Variants in PSTPIP2 observed in about 807,000 individuals in gnomAD.
The protein encoded by PSTPIP2 is proline-serine-threonine phosphatase-interacting protein 2.
A neutral mutation model predicts 63.3 loss-of-function variants in PSTPIP2; 33 were observed. The ratio of observed to expected loss-of-function variants is 0.52; its 90% CI spans 0.40 to 0.70. PSTPIP2 has a LOEUF of 0.70. Ranked by LOEUF, PSTPIP2 falls within the 30% of genes least tolerant of loss-of-function variation. PSTPIP2 has a pLI of 0.00. For synonymous variants in PSTPIP2, 125 were observed against 132.7 expected (o/e 0.94, Z 0.40); for missense variants, 312 against 400.7 (o/e 0.78, Z 1.89).
chr18:46,004,046 G>A (rs1568213126), intron 6 of PSTPIP2, among the ~76,000 whole-genome samples: 1 of 152,008 alleles, frequency 6.6e-6, no homozygotes, highest in Non-Finnish European at 1.5e-5. Flanking sequence ...GATTACAGGT[G>A]TGAGCCACTA....
At chr18:46,005,143 A>G (rs2051711233) in intron 6 of PSTPIP2, among the ~76,000 whole-genome samples, 1 of 152,162 alleles carries the variant, frequency 6.6e-6, no homozygotes, top group South Asian at 2.1e-4. Context: ...CTCACTTATA[A>G]GTGGGAGCTA....
Position 46,006,458 on chromosome 18 carries a change from G to A in PSTPIP2, c.355-927C>T, listed in dbSNP as rs111478434. Among the ~76,000 whole-genome samples the A allele has an allele frequency of 2.3e-3, 321 of 139,944 alleles. 3 individuals are homozygous for A. The highest frequency in any genetic ancestry group is 0.015 in the Middle Eastern group (4 of 272). The allele number at this position is 139,944 out of a possible 152,430, so 91.8% of individuals were successfully genotyped here. A position where few individuals can be genotyped will look rare whatever the true frequency, so the allele number is the denominator to read the frequency against. Reference sequence around the variant, plus strand: ...GCAATCTCAGCTCACTGCAACCTCCGCCTTCTGGTTTCAAGCGAGTCTCCT... The same window carrying A: ...GCAATCTCAGCTCACTGCAACCTCCACCTTCTGGTTTCAAGCGAGTCTCCT... On this transcript the variant is annotated intron_variant, in intron 5 of 14. Transcript: ENST00000409746.
chr18:46,021,933 A>C (rs1486164416), intron 3 of PSTPIP2, among the ~76,000 whole-genome samples: 1 of 151,538 alleles, frequency 6.6e-6, no homozygotes, highest in African/African-American at 2.4e-5. Flanking sequence ...AGAACCAAGT[A>C]TTCTTGGAGA....
intron 5 of PSTPIP2, 83 bp downstream of exon 5, chr18:46,011,098 G>A: frequency 2.6e-6 from 3 of 1,142,832 alleles, no homozygotes; most frequent in Admixed American, 3.5e-5. Context: ...GGTGGGAGCT[G>A]AGCTGAGGAG....
At chr18:46,054,477 C>T (rs1423469768) in intron 1 of PSTPIP2, among the ~76,000 whole-genome samples, 1 of 152,120 alleles carries the variant, frequency 6.6e-6, no homozygotes, top group East Asian at 1.9e-4. Flanking sequence ...CAAAGAGCTA[C>T]ACCTAATATA....
Position 45,988,338 on chromosome 18 carries a change from G to A in PSTPIP2, c.*8+364C>T, listed in dbSNP as rs184347746. Among the ~76,000 whole-genome samples the A allele has an allele frequency of 1.6e-4, 24 of 150,608 alleles. No individual in the cohort carries two copies. The East Asian group carries it at 4.8e-3, about 30-fold the overall frequency. On this transcript the variant is annotated intron_variant, in intron 14 of 14. Coordinates refer to ENST00000409746, the MANE Select transcript of PSTPIP2 (RefSeq NM_024430.4). ...TAATCCTAGATACTCAAGAGGCTGAGGTGGGAAGATCACTTGAACCCAGGA... is the reference window on the plus strand; with the variant it reads ...TAATCCTAGATACTCAAGAGGCTGAAGTGGGAAGATCACTTGAACCCAGGA...
At chr18:46,038,903 G>A (rs951720746) in intron 2 of PSTPIP2, among the ~76,000 whole-genome samples, 7 of 152,164 alleles carry the variant, frequency 4.6e-5, no homozygotes, top group African/African-American at 9.7e-5. Flanking sequence ...TTGGGAGGCC[G>A]AGGCAGGCAG....
At chr18:45,989,059 A>G (rs1014852784) in intron 13 of PSTPIP2, among the ~76,000 whole-genome samples, 1 of 152,236 alleles carries the variant, frequency 6.6e-6, no homozygotes, top group Non-Finnish European at 1.5e-5. Context: ...TGGTAATTCT[A>G]AAACAACAAG....
At chr18:46,042,135 C>A (rs558597652) in intron 1 of PSTPIP2, among the ~76,000 whole-genome samples, 2 of 152,256 alleles carry the variant, frequency 1.3e-5, no homozygotes, top group South Asian at 2.1e-4. Context: ...AAAACTTTTA[C>A]AAGTTACGAA....
chr18:46,007,490 A>G (rs2051740347), intron 5 of PSTPIP2, among the ~76,000 whole-genome samples: 2 of 152,254 alleles, frequency 1.3e-5, no homozygotes, highest in Admixed American at 1.3e-4. Flanking sequence ...CCTGCGGTTC[A>G]CATGCATGAC....
At chr18:46,063,422 C>T (rs1599751561) in intron 1 of PSTPIP2, among the ~76,000 whole-genome samples, 1 of 152,154 alleles carries the variant, frequency 6.6e-6, no homozygotes, top group Non-Finnish European at 1.5e-5. Context: ...AATCCATATA[C>T]ATATATCATT....
intron 1 of PSTPIP2, among the ~76,000 whole-genome samples, chr18:46,044,345 A>G (rs1211894221): frequency 6.6e-6 from 1 of 152,232 alleles, no homozygotes; most frequent in African/African-American, 2.4e-5. Flanking sequence ...GCCCTCAGAA[A>G]TAACACTGCA....
At chr18:46,009,028 C>A (rs917185286) in intron 5 of PSTPIP2, among the ~76,000 whole-genome samples, 3 of 152,200 alleles carry the variant, frequency 2.0e-5, no homozygotes, top group East Asian at 1.9e-4. Flanking sequence ...TTCCTCCCCC[C>A]CATCATGTAA....
intron 14 of PSTPIP2, among the ~76,000 whole-genome samples, chr18:45,985,815 T>C (rs966652902): frequency 1.5e-4 from 23 of 151,778 alleles, no homozygotes; most frequent in Non-Finnish European, 2.1e-4. Context: ...CTTGCTGTGT[T>C]ACCCAGGCTG....
chr18:46,002,176 G>A (rs1045904607), intron 6 of PSTPIP2, among the ~76,000 whole-genome samples: 9 of 152,166 alleles, frequency 5.9e-5, no homozygotes, highest in South Asian at 2.1e-4. Flanking sequence ...TCAGAAGTTC[G>A]ATTATATGTC....
At chr18:46,007,507 C>T (rs2051740863) in intron 5 of PSTPIP2, among the ~76,000 whole-genome samples, 1 of 152,244 alleles carries the variant, frequency 6.6e-6, no homozygotes, top group Non-Finnish European at 1.5e-5. Context: ...TGACTGTGTC[C>T]CTCTGCCAGG....
chr18:46,052,915 G>C (rs1001519167), intron 1 of PSTPIP2, among the ~76,000 whole-genome samples: 12 of 152,132 alleles, frequency 7.9e-5, no homozygotes, highest in African/African-American at 2.2e-4. Flanking sequence ...GTACATCTTG[G>C]AGATCAATCA....
chr18:45,997,728 G>A (rs756641892), intron 9 of PSTPIP2, 21 bp downstream of exon 9: 5 of 629,184 alleles, frequency 7.9e-6, no homozygotes, highest in South Asian at 5.6e-5. Flanking sequence ...CCAGTCCTGA[G>A]CAGCTTCCGG....
chr18:46,070,786 C>CT (rs1192859085), intron 1 of PSTPIP2, among the ~76,000 whole-genome samples: 1 of 152,218 alleles, frequency 6.6e-6, no homozygotes, highest in Non-Finnish European at 1.5e-5. Flanking sequence ...TCCCAACGTG[C>CT]TGGGATCACA....
Sources: allele counts gnomAD v4.1 joint callset (sites outside exome capture counted in the v4.1 genomes callset), GRCh38; gene constraint gnomAD v4.1.1; transcripts MANE v1.5; gene names NCBI Gene and HGNC (gene_info 2026-07-23, HGNC 2026-07-21).